B3GAT2: variants seen among roughly 807,000 people sequenced by gnomAD.
B3GAT2 encodes the protein galactosylgalactosylxylosylprotein 3-beta-glucuronosyltransferase 2.
B3GAT2 carries 26 observed loss-of-function variants against 27.8 expected under a neutral mutation model. The observed-to-expected ratio is 0.93, with a 90% CI of 0.68 to 1.30. The LOEUF is 1.30. Ranked by LOEUF, B3GAT2 falls within the 50% of genes most tolerant of loss-of-function variation. The probability of loss-of-function intolerance (pLI) is 0.00; values close to 1 mark genes in which losing one functional copy is unlikely to be tolerated. For missense variants in B3GAT2, 458 were observed against 459.0 expected (o/e 1.00, Z 0.02); for synonymous variants, 218 against 195.1 (o/e 1.12, Z -0.98).
chr6:70,876,407 T>C (rs545026380), intron 2 of B3GAT2, among the ~76,000 whole-genome samples: 88 of 152,318 alleles, frequency 5.8e-4, no homozygotes, highest in African/African-American at 2.1e-3. Flanking sequence ...AGGACGGTAG[T>C]TGAGTAAAGG....
intron 2 of B3GAT2, among the ~76,000 whole-genome samples, chr6:70,885,409 C>A (rs1772168495): frequency 2.6e-5 from 4 of 152,132 alleles, no homozygotes; most frequent in African/African-American, 9.7e-5. Context: ...TAACAATGAA[C>A]ACGTATCTGC....
intron 1 of B3GAT2, among the ~76,000 whole-genome samples, chr6:70,935,680 T>C (rs1277890115): frequency 6.6e-6 from 1 of 152,058 alleles, no homozygotes; most frequent in Non-Finnish European, 1.5e-5. Flanking sequence ...AGAAATAAAA[T>C]ACTCTACAGA....
At chr6:70,944,640 C>G (rs2150050747) in intron 1 of B3GAT2, among the ~76,000 whole-genome samples, 1 of 152,240 alleles carries the variant, frequency 6.6e-6, no homozygotes, top group East Asian at 1.9e-4. Flanking sequence ...CCTCTGAGGA[C>G]AGGGCACAGA....
At chr6:70,936,798 GCA>G (rs1765289469) in intron 1 of B3GAT2, among the ~76,000 whole-genome samples, 1 of 152,070 alleles carries the variant, frequency 6.6e-6, no homozygotes, top group Non-Finnish European at 1.5e-5. Context: ...ACAAGAGAAA[GCA>G]GGAAAGATCC....
Position 70,859,940 on chromosome 6 carries a change from A to G in B3GAT2, c.*1723T>C, listed in dbSNP as rs1160176971. 3 of 346,082 alleles carry G rather than the reference A, an allele frequency of 8.7e-6. No homozygotes were observed. Among genetic ancestry groups the G allele is most frequent in the Non-Finnish European group, 1.0e-5 (2 of 192,442 alleles). The allele number at this position is 346,082 out of a possible 1,614,324, so 21.4% of individuals were successfully genotyped here. A position where few individuals can be genotyped will look rare whatever the true frequency, so the allele number is the denominator to read the frequency against. On this transcript the variant is annotated 3_prime_UTR_variant, in exon 4 of 4. Coordinates refer to ENST00000230053, the MANE Select transcript of B3GAT2 (RefSeq NM_080742.3). ...GAAAGTTAGTTAGAGTAGCGGACTC[A>G]TTAAAATCCCAAGATTGCTTTGGTA...
At chr6:70,920,683 A>C (rs1003351391) in intron 1 of B3GAT2, among the ~76,000 whole-genome samples, 1 of 152,226 alleles carries the variant, frequency 6.6e-6, no homozygotes, top group African/African-American at 2.4e-5. Context: ...TCATGATGTC[A>C]GCTGGATATT....
In B3GAT2 at chr6:70,858,284, A is replaced by AT; in HGVS notation, c.*3378_*3379insA. On this transcript the variant is annotated 3_prime_UTR_variant, in exon 4 of 4. Coordinates refer to ENST00000230053, the MANE Select transcript of B3GAT2 (RefSeq NM_080742.3). ...CAAATCAAACCAGATTTATTTTCTA[A>AT]ATCTTTTTTTTTTTTTTTTTTTTTT... 1.0e-6 allele frequency: 1 copy of AT among 967,416 alleles called. No homozygotes were observed. The highest frequency in any genetic ancestry group is 1.4e-6 in the Non-Finnish European group (1 of 706,530). The allele number at this position is 967,416 out of a possible 1,614,324, so 59.9% of individuals were successfully genotyped here. A position where few individuals can be genotyped will look rare whatever the true frequency, so the allele number is the denominator to read the frequency against.
intron 2 of B3GAT2, among the ~76,000 whole-genome samples, chr6:70,880,784 G>A (rs1772088763): frequency 1.3e-5 from 2 of 151,826 alleles, no homozygotes; most frequent in Admixed American, 1.3e-4. Flanking sequence ...TCCTGCCTCA[G>A]CCTCCCGAGT....
At chr6:70,920,748 T>C (rs1310341710) in intron 1 of B3GAT2, among the ~76,000 whole-genome samples, 1 of 152,222 alleles carries the variant, frequency 6.6e-6, no homozygotes. Context: ...AGTCCTTAAG[T>C]ATATTTTTGT....
chr6:70,939,688 T>C (rs987345868), intron 1 of B3GAT2, among the ~76,000 whole-genome samples: 4 of 151,152 alleles, frequency 2.6e-5, no homozygotes, highest in East Asian at 2.0e-4. Context: ...TAGATGGGAA[T>C]TGAACAATGA....
At chr6:70,954,949 G>T (rs1301728289) in intron 1 of B3GAT2, among the ~76,000 whole-genome samples, 1 of 149,912 alleles carries the variant, frequency 6.7e-6, no homozygotes, top group East Asian at 2.0e-4. Context: ...CCATCCCAGG[G>T]AACTCATGGG....
At chr6:70,865,844 C>G (rs1175722584) in intron 2 of B3GAT2, among the ~76,000 whole-genome samples, 1 of 152,150 alleles carries the variant, frequency 6.6e-6, no homozygotes, top group Non-Finnish European at 1.5e-5. Context: ...GCACATGAGA[C>G]AGAGATCTCT....
At chr6:70,929,011 C>A (rs970439605) in intron 1 of B3GAT2, among the ~76,000 whole-genome samples, 2 of 152,064 alleles carry the variant, frequency 1.3e-5, no homozygotes, top group African/African-American at 4.8e-5. Flanking sequence ...ACATATACAC[C>A]ATGGAATACT....
intron 1 of B3GAT2, among the ~76,000 whole-genome samples, chr6:70,902,181 A>G (rs1322579365): frequency 6.6e-6 from 1 of 152,194 alleles, no homozygotes; most frequent in Non-Finnish European, 1.5e-5. Flanking sequence ...GTGTAAGGAT[A>G]AATACATAGA....
In B3GAT2 at chr6:70,861,725, C is replaced by T. The variant is rs1401021387; in HGVS notation, c.910G>A (p.Glu304Lys). The change falls in exon 4 of 4, where the codon GAG (glutamate) becomes AAG (lysine). Residue 304 changes from glutamate to lysine, a missense_variant. Glu to Lys is a moderately conservative substitution (Grantham distance 56, BLOSUM62 1). Coordinates refer to ENST00000230053, the MANE Select transcript of B3GAT2 (RefSeq NM_080742.3). Reference protein sequence around the residue: ...TKVLVWHTRTEKVNLANEPKY... With the variant: ...TKVLVWHTRTKKVNLANEPKY... ...GGCTCGTTGGCTAGATTAACCTTCT[C>T]TGTCCGAGTGTGCCACACGAGAACC... 1 of 1,614,142 alleles carries T rather than the reference C, an allele frequency of 6.2e-7. No homozygotes were observed. The highest frequency in any genetic ancestry group is 2.2e-5 in the East Asian group (1 of 44,872).
At chr6:70,869,905 G>A (rs537024612) in intron 2 of B3GAT2, among the ~76,000 whole-genome samples, 9 of 152,262 alleles carry the variant, frequency 5.9e-5, no homozygotes, top group East Asian at 5.8e-4. Context: ...GTGCTGGAGA[G>A]GATGTGGAGA....
At chr6:70,862,701 GTCTCACA>G (rs1771780295) in intron 2 of B3GAT2, among the ~76,000 whole-genome samples, 1 of 152,156 alleles carries the variant, frequency 6.6e-6, no homozygotes, top group Non-Finnish European at 1.5e-5. Context: ...TGGGCACAGT[GTCTCACA>G]TCTGTAATCT....
At chr6:70,910,554 T>C (rs1336990971) in intron 1 of B3GAT2, among the ~76,000 whole-genome samples, 1 of 152,212 alleles carries the variant, frequency 6.6e-6, no homozygotes, top group Non-Finnish European at 1.5e-5. Context: ...ATGTACCACA[T>C]TTTCTTTATC....
chr6:70,915,844 C>A (rs1311813385), intron 1 of B3GAT2, among the ~76,000 whole-genome samples: 1 of 152,136 alleles, frequency 6.6e-6, no homozygotes, highest in South Asian at 2.1e-4. Flanking sequence ...TGTGATGCCT[C>A]CAGCTTTGTT....
Sources: gnomAD v4.1 joint callset for allele counts (sites outside exome capture counted in the v4.1 genomes callset) on GRCh38, gnomAD v4.1.1 for gene constraint, MANE v1.5 for transcripts, NCBI Gene and HGNC (gene_info 2026-07-23, HGNC 2026-07-21) for gene names.